The following ZNF804B variants were observed in gnomAD, a reference collection of about 807,000 sequenced individuals.
ZNF804B encodes the protein zinc finger protein 804B, also known as zinc finger 804B.
Under a neutral mutation model 101.4 loss-of-function variants are expected in ZNF804B, and 80 were observed. The ratio of observed to expected loss-of-function variants is 0.79; its 90% CI spans 0.66 to 0.95. The LOEUF is 0.95. Among genes scored for constraint, ZNF804B ranks in the 40% least tolerant of loss-of-function variants. The pLI is 0.00. For missense variants in ZNF804B, 1,673 were observed against 1,561.9 expected, an observed-to-expected ratio of 1.07 and a Z score of -1.20; for synonymous variants, 622 against 558.8, an observed-to-expected ratio of 1.11 and a Z score of -1.59.
chr7:88,762,848 A>G (rs1004629523), intron 1 of ZNF804B, among the ~76,000 whole-genome samples: 2 of 152,126 alleles, frequency 1.3e-5, no homozygotes, highest in African/African-American at 4.8e-5. Context: ...AAGATTTCCA[A>G]TACTTCAACT....
chr7:89,322,972 C>T (rs993419507), intron 2 of ZNF804B, among the ~76,000 whole-genome samples: 1 of 152,132 alleles, frequency 6.6e-6, no homozygotes, highest in Non-Finnish European at 1.5e-5. Flanking sequence ...GTTTATGTTC[C>T]CTCAAACCCC....
At chr7:89,124,951 T>A (rs1410905661) in intron 1 of ZNF804B, among the ~76,000 whole-genome samples, 1 of 152,090 alleles carries the variant, frequency 6.6e-6, no homozygotes, top group Non-Finnish European at 1.5e-5. Flanking sequence ...AGCGTTATGT[T>A]TTTTATTGCT....
intron 1 of ZNF804B, among the ~76,000 whole-genome samples, chr7:88,949,566 G>T (rs1316261013): frequency 6.6e-6 from 1 of 151,730 alleles, no homozygotes; most frequent in Non-Finnish European, 1.5e-5. Flanking sequence ...ATTTCCTTTA[G>T]CAGGGTTTTA....
intron 2 of ZNF804B, among the ~76,000 whole-genome samples, chr7:89,220,085 A>ATACGCACATATATATGTGTGTATATACG (rs1788975973): frequency 7.4e-5 from 2 of 27,076 alleles, no homozygotes; most frequent in African/African-American, 3.1e-4. Context: ...GTATATACAT[A>ATACGCACATATATATGTGTGTATATACG]TATATACGCA....
intron 1 of ZNF804B, among the ~76,000 whole-genome samples, chr7:88,796,640 C>G (rs1182501874): frequency 1.3e-5 from 2 of 152,072 alleles, no homozygotes; most frequent in Non-Finnish European, 2.9e-5. Context: ...GAGGCCTTGC[C>G]CGGCAATACC....
At chr7:88,911,580 T>C (rs529015934) in intron 1 of ZNF804B, among the ~76,000 whole-genome samples, 2 of 151,446 alleles carry the variant, frequency 1.3e-5, no homozygotes, top group East Asian at 3.9e-4. Context: ...CAGAGCGATA[T>C]CTCTTTCTGG....
chr7:88,853,624 A>C (rs1358545037), intron 1 of ZNF804B, among the ~76,000 whole-genome samples: 2 of 152,138 alleles, frequency 1.3e-5, no homozygotes, highest in East Asian at 3.8e-4. Context: ...ATATCACATT[A>C]AAATGCTATA....
At position 89,334,166 on chromosome 7, in the gene ZNF804B, A is replaced by G. The variant is rs764184569; in HGVS notation, c.1184A>G (p.Gln395Arg). 5 of 1,613,492 alleles carry G rather than the reference A, an allele frequency of 3.1e-6. No individual in the cohort carries two copies. Among genetic ancestry groups the G allele is most frequent in the Non-Finnish European group, 4.2e-6 (5 of 1,179,842 alleles). ...DEFSSLEPSE[Q>R]KSTVHLNPNS... ...TTTTCATCACTGGAGCCAAGTGAAC[A>G]AAAGAGTACAGTGCATCTGAATCCA... The change falls in exon 4 of 4, where the codon CAA becomes CGA. Residue 395 changes from glutamine to arginine, a missense_variant. By Grantham distance (43) the Gln-to-Arg change is conservative. Transcript: ENST00000333190.
chr7:89,327,521 A>T (rs773060552), intron 3 of ZNF804B, 47 bp downstream of exon 3: 3 of 1,581,546 alleles, frequency 1.9e-6, no homozygotes, highest in East Asian at 2.3e-5. Flanking sequence ...TCGTCAACCT[A>T]TGGGGAAATT....
At chr7:88,794,201 G>A in intron 1 of ZNF804B, 1 of 1,611,700 alleles carries the variant, frequency 6.2e-7, no homozygotes, top group South Asian at 1.1e-5. Context: ...GAAGGAGCAG[G>A]CCATACCACC....
At chr7:88,841,600 G>A (rs778515968) in intron 1 of ZNF804B, among the ~76,000 whole-genome samples, 7 of 152,052 alleles carry the variant, frequency 4.6e-5, no homozygotes, top group African/African-American at 9.7e-5. Context: ...TCCTTTCTCC[G>A]TAATAAACAG....
chr7:89,140,948 A>G (rs1790707768), intron 1 of ZNF804B, among the ~76,000 whole-genome samples: 1 of 149,370 alleles, frequency 6.7e-6, no homozygotes, highest in African/African-American at 2.5e-5. Context: ...CTAGCTTTTG[A>G]TTAAAAATGA....
At chr7:89,044,113 AG>A (rs1476519471) in intron 1 of ZNF804B, among the ~76,000 whole-genome samples, 2 of 152,214 alleles carry the variant, frequency 1.3e-5, no homozygotes, top group Non-Finnish European at 2.9e-5. Context: ...ATTCAGTGGA[AG>A]GTAACTGAAC....
intron 1 of ZNF804B, among the ~76,000 whole-genome samples, chr7:88,873,953 G>T (rs1791882180): frequency 6.6e-6 from 1 of 152,126 alleles, no homozygotes; most frequent in Admixed American, 6.5e-5. Flanking sequence ...GGCAATGCGG[G>T]CTCTTTTTTG....
At chr7:88,859,711 C>G (rs1791620166) in intron 1 of ZNF804B, among the ~76,000 whole-genome samples, 1 of 151,726 alleles carries the variant, frequency 6.6e-6, no homozygotes. Flanking sequence ...AATGTTTCCT[C>G]AAGGAAACAT....
At chr7:89,077,051 G>A (rs567069634) in intron 1 of ZNF804B, among the ~76,000 whole-genome samples, 8 of 152,246 alleles carry the variant, frequency 5.3e-5, no homozygotes, top group Non-Finnish European at 1.0e-4. Context: ...GACTGAAGTT[G>A]AGGGAGAATG....
intron 2 of ZNF804B, among the ~76,000 whole-genome samples, chr7:89,220,024 T>TAAACGCACATATATGTGTGTATATAC (rs1788968787): frequency 8.8e-6 from 1 of 113,506 alleles, no homozygotes; most frequent in Admixed American, 1.1e-4. Context: ...TGTGTATACA[T>TAAACGCACATATATGTGTGTATATAC]ATATATACGC....
At chr7:89,258,010 G>A (rs1280941539) in intron 2 of ZNF804B, among the ~76,000 whole-genome samples, 2 of 151,808 alleles carry the variant, frequency 1.3e-5, no homozygotes, top group Non-Finnish European at 2.9e-5. Context: ...AATATGATTG[G>A]CCCTTCATAT....
At chr7:89,258,656 T>G (rs2115807016) in intron 2 of ZNF804B, among the ~76,000 whole-genome samples, 1 of 152,206 alleles carries the variant, frequency 6.6e-6, no homozygotes, top group African/African-American at 2.4e-5. Context: ...CCTCAAAAAC[T>G]TAGCCATTAA....
Sources: gnomAD v4.1 joint callset for allele counts (sites outside exome capture counted in the v4.1 genomes callset) on GRCh38, gnomAD v4.1.1 for gene constraint, MANE v1.5 for transcripts, NCBI Gene and HGNC (gene_info 2026-07-23, HGNC 2026-07-21) for gene names.